Variants in MAPK10 observed in about 807,000 individuals in gnomAD.
MAPK10 encodes the protein mitogen-activated protein kinase 10.
Under a neutral mutation model 59.3 loss-of-function variants are expected in MAPK10, and 25 were observed. The ratio of observed to expected loss-of-function variants is 0.42; its 90% CI spans 0.31 to 0.59. The LOEUF (loss-of-function observed/expected upper bound fraction) is 0.59. Ranked by LOEUF, MAPK10 falls within the 20% of genes least tolerant of loss-of-function variation. MAPK10 has a pLI of 0.15. For missense variants in MAPK10, 351 were observed against 568.9 expected (o/e 0.62, Z 3.90); for synonymous variants, 190 against 200.5 (o/e 0.95, Z 0.44).
chr4:86,238,376 C>A (rs866333189), intron 2 of MAPK10, among the ~76,000 whole-genome samples: 13 of 152,144 alleles, frequency 8.5e-5, no homozygotes, highest in Non-Finnish European at 1.3e-4. Flanking sequence ...TTTTCTAATT[C>A]TGTGAAGAAT....
chr4:86,206,872 C>T (rs1410457039), intron 2 of MAPK10, among the ~76,000 whole-genome samples: 2 of 152,146 alleles, frequency 1.3e-5, no homozygotes, highest in Admixed American at 6.6e-5. Flanking sequence ...TCATATCCTT[C>T]ACCCACTTTT....
At chr4:86,355,032 A>G (rs1196149248) in intron 1 of MAPK10, among the ~76,000 whole-genome samples, 1 of 152,150 alleles carries the variant, frequency 6.6e-6, no homozygotes, top group African/African-American at 2.4e-5. Flanking sequence ...ATGGTTACAT[A>G]GGTACCAATA....
At chr4:86,173,747 T>C (rs895105981) in intron 3 of MAPK10, among the ~76,000 whole-genome samples, 2 of 152,294 alleles carry the variant, frequency 1.3e-5, no homozygotes, top group African/African-American at 4.8e-5. Context: ...AAAGGTCTAA[T>C]ATCCAGAATT....
intron 1 of MAPK10, among the ~76,000 whole-genome samples, chr4:86,394,408 T>C (rs567956419): frequency 2.0e-5 from 3 of 152,232 alleles, no homozygotes; most frequent in African/African-American, 7.2e-5. Context: ...AGAGAGACTA[T>C]ATCACCAAAC....
intron 1 of MAPK10, among the ~76,000 whole-genome samples, chr4:86,530,545 G>A (rs1029840953): frequency 6.6e-6 from 1 of 152,136 alleles, no homozygotes; most frequent in African/African-American, 2.4e-5. Context: ...ATTTATTTCT[G>A]ACAGATCTGG....
chr4:86,345,161 C>T (rs1220353967), intron 2 of MAPK10, among the ~76,000 whole-genome samples: 1 of 152,168 alleles, frequency 6.6e-6, no homozygotes, highest in African/African-American at 2.4e-5. Flanking sequence ...TAGCAAGTCC[C>T]TCTCTAATAG....
chr4:86,346,903 C>A lies in MAPK10; in HGVS notation c.-7+7627G>T, dbSNP rs2148952373. On this transcript the variant is annotated intron_variant, in intron 2 of 13. Coordinates refer to ENST00000641462, the MANE Select transcript of MAPK10 (RefSeq NM_138982.4). ...TATTATATATGTACTCATGTGTGTG[C>A]ACACACACATATGTCTTAATATAAA... Among the ~76,000 whole-genome samples, 2 of 151,696 alleles carry A rather than the reference C, an allele frequency of 1.3e-5. 1 individual carries two copies. The highest frequency in any genetic ancestry group is 4.2e-4 in the South Asian group (2 of 4,806).
chr4:86,268,454 C>G (rs147902689), intron 2 of MAPK10: 1 of 152,286 alleles, frequency 6.6e-6, no homozygotes, highest in Non-Finnish European at 1.5e-5. Flanking sequence ...ACTTCCCTGC[C>G]TCCCTGGTTT....
At chr4:86,309,551 G>T (rs971239596) in intron 2 of MAPK10, among the ~76,000 whole-genome samples, 1 of 152,106 alleles carries the variant, frequency 6.6e-6, no homozygotes, top group African/African-American at 2.4e-5. Context: ...CAACAACTGG[G>T]GCTTTTTCCA....
chr4:86,292,947 C>T (rs2095267118), intron 2 of MAPK10, among the ~76,000 whole-genome samples: 1 of 152,100 alleles, frequency 6.6e-6, no homozygotes, highest in African/African-American at 2.4e-5. Context: ...GAGAAAGGTA[C>T]AAATGCATAA....
chr4:86,433,986 A>G (rs1748382166), intron 1 of MAPK10, among the ~76,000 whole-genome samples: 1 of 152,156 alleles, frequency 6.6e-6, no homozygotes, highest in East Asian at 1.9e-4. Context: ...TATTTCCACT[A>G]TATATATGCA....
intron 2 of MAPK10, among the ~76,000 whole-genome samples, chr4:86,353,315 C>A (rs745799725): frequency 6.6e-6 from 1 of 152,104 alleles, no homozygotes; most frequent in Non-Finnish European, 1.5e-5. Context: ...CTTTTATCTG[C>A]CCCAAAAGCT....
At position 86,524,645 on chromosome 4, in the gene MAPK10, C is replaced by T. The variant is rs1368472893; in HGVS notation, c.-263+69265G>A. 2.6e-5 allele frequency among the ~76,000 whole-genome samples: 4 copies of T among 152,162 alleles called. No homozygotes were observed. In the East Asian group the frequency reaches 7.7e-4, roughly 29 times the overall value. ...GTTTGTTAAATCTGGCAGCTTTGCA[C>T]ATATTCATCTTCCTAAACATGTTTC... On this transcript the variant is annotated intron_variant, in intron 1 of 4. Transcript: ENST00000502302.
In MAPK10 at chr4:86,074,181, C is replaced by G. The variant is rs201784027; in HGVS notation, c.803-6226G>C. On this transcript the variant is annotated intron_variant, in intron 9 of 13. Transcript: ENST00000641462. ...CTTTGTCTCTTTTGATCTTTGTTGGCTTAAAGTCTGTTTTATCAGAGACTA... is the reference window on the plus strand; with the variant it reads ...CTTTGTCTCTTTTGATCTTTGTTGGGTTAAAGTCTGTTTTATCAGAGACTA... Among the ~76,000 whole-genome samples the G allele has an allele frequency of 3.3e-5, 3 of 89,968 alleles. 1 individual carries two copies. Among genetic ancestry groups the G allele is most frequent in the Non-Finnish European group, 4.9e-5 (2 of 41,098 alleles). The allele number at this position is 89,968 out of a possible 152,430, so 59.0% of individuals were successfully genotyped here. A position where few individuals can be genotyped will look rare whatever the true frequency, so the allele number is the denominator to read the frequency against.
chr4:86,053,481 T>C (rs900467233), intron 11 of MAPK10, among the ~76,000 whole-genome samples: 1 of 152,126 alleles, frequency 6.6e-6, no homozygotes, highest in Non-Finnish European at 1.5e-5. Context: ...GATTCCCCAA[T>C]TTTGTAGCCT....
intron 2 of MAPK10, among the ~76,000 whole-genome samples, chr4:86,298,065 T>C (rs1223758801): frequency 6.6e-6 from 1 of 152,192 alleles, no homozygotes; most frequent in East Asian, 1.9e-4. Context: ...TCCACTTACC[T>C]GATTTGACCT....
intron 4 of MAPK10, among the ~76,000 whole-genome samples, chr4:86,127,344 A>C (rs2060237998): frequency 6.6e-6 from 1 of 152,046 alleles, no homozygotes; most frequent in South Asian, 2.1e-4. Flanking sequence ...TAATTGTTAC[A>C]CAAGTAAACT....
At chr4:86,272,159 G>C (rs993835810) in intron 2 of MAPK10, among the ~76,000 whole-genome samples, 2 of 152,020 alleles carry the variant, frequency 1.3e-5, no homozygotes, top group African/African-American at 4.8e-5. Flanking sequence ...TTGCTGCAAA[G>C]GACATGATTT....
intron 11 of MAPK10, among the ~76,000 whole-genome samples, chr4:86,049,316 T>G (rs1012618109): frequency 6.6e-6 from 1 of 152,118 alleles, no homozygotes; most frequent in African/African-American, 2.4e-5. Flanking sequence ...AAGAACTATA[T>G]TCTAATAATA....
Sources: allele counts gnomAD v4.1 joint callset (sites outside exome capture counted in the v4.1 genomes callset), GRCh38; gene constraint gnomAD v4.1.1; transcripts MANE v1.5; gene names NCBI Gene and HGNC (gene_info 2026-07-23, HGNC 2026-07-21).